Variants in TEAD4 observed in about 807,000 individuals in gnomAD.
TEAD4 encodes TEA domain transcription factor 4.
In TEAD4, 36 loss-of-function variants were observed where a neutral mutation model predicts 52.4. The ratio of observed to expected loss-of-function variants is 0.69; its 90% CI spans 0.53 to 0.91. The LOEUF is 0.91. TEAD4 is among the 40% of genes least tolerant of loss of function. The probability of loss-of-function intolerance (pLI) is 0.00; values close to 1 mark genes in which losing one functional copy is unlikely to be tolerated. For synonymous variants in TEAD4, 220 were observed against 231.0 expected, an observed-to-expected ratio of 0.95 and a Z score of 0.43; for missense variants, 508 against 583.9, an observed-to-expected ratio of 0.87 and a Z score of 1.34.
rs538188452 is a variant in TEAD4 at position 2,969,924 on chromosome 12, T to TA, written c.-30+9885dup. ...AGAAATACTATGTAAGCCTAGGAGT[T>TA]ACATTTAAAAAGTAAAAAGAGCTGG... On this transcript the variant is annotated intron_variant, in intron 2 of 12. Coordinates refer to ENST00000359864, the MANE Select transcript of TEAD4 (RefSeq NM_003213.4). 3.1e-3 allele frequency among the ~76,000 whole-genome samples: 473 copies of TA among 152,182 alleles called. 8 individuals are homozygous for TA. The South Asian group carries it at 0.049, about 16-fold the overall frequency.
intron 2 of TEAD4, among the ~76,000 whole-genome samples, chr12:2,978,997 C>T (rs1051539855): frequency 3.9e-4 from 60 of 152,200 alleles, no homozygotes; most frequent in African/African-American, 1.4e-3. Flanking sequence ...CTCACTGCAA[C>T]CTCCGCCTCC....
intron 3 of TEAD4, among the ~76,000 whole-genome samples, chr12:3,002,028 GT>G (rs1368419468): frequency 6.6e-6 from 1 of 152,100 alleles, no homozygotes; most frequent in Non-Finnish European, 1.5e-5. Flanking sequence ...AGAGGTGGAG[GT>G]TGCAGTGAGC....
chr12:3,018,508 TG>T, intron 6 of TEAD4, 36 bp from the exon 7 acceptor site: 2 of 1,612,482 alleles, frequency 1.2e-6, no homozygotes, highest in Non-Finnish European at 1.7e-6. Context: ...CGGGTGCACC[TG>T]GGGCCGTGCT....
intron 2 of TEAD4, among the ~76,000 whole-genome samples, chr12:2,988,249 A>G (rs1175724397): frequency 1.3e-5 from 2 of 152,032 alleles, no homozygotes; most frequent in African/African-American, 4.8e-5. Context: ...GCGGTGGTTC[A>G]GGTCTGTAAT....
At chr12:2,991,516 G>A (rs928179996) in intron 2 of TEAD4, among the ~76,000 whole-genome samples, 2 of 152,116 alleles carry the variant, frequency 1.3e-5, no homozygotes, top group Non-Finnish European at 2.9e-5. Flanking sequence ...ACAAAAATCA[G>A]CTGGGTGTGG....
At chr12:3,031,712 C>T (rs745591590) in intron 10 of TEAD4, among the ~76,000 whole-genome samples, 2 of 151,916 alleles carry the variant, frequency 1.3e-5, no homozygotes, top group African/African-American at 2.4e-5. Flanking sequence ...ATCCTCACCA[C>T]AGCCAAGACT....
At chr12:3,007,087 C>G (rs59635854) in intron 3 of TEAD4, among the ~76,000 whole-genome samples, 1 of 152,166 alleles carries the variant, frequency 6.6e-6, no homozygotes, top group Non-Finnish European at 1.5e-5. Context: ...GCTCCTGTCC[C>G]GCCCCATTAC....
At chr12:3,022,054 C>A in intron 10 of TEAD4, 37 bp downstream of exon 10, 1 of 1,608,124 alleles carries the variant, frequency 6.2e-7, no homozygotes, top group Non-Finnish European at 8.5e-7. Context: ...CTGCCACCAG[C>A]GTGTCCGTGG....
chr12:2,999,037 C>T (rs2098249530), intron 3 of TEAD4, among the ~76,000 whole-genome samples: 1 of 152,226 alleles, frequency 6.6e-6, no homozygotes, highest in Non-Finnish European at 1.5e-5. Flanking sequence ...GGAGGGCTCT[C>T]AGCAGGCAGT....
chr12:2,997,718 C>T (rs1366561311), intron 3 of TEAD4, among the ~76,000 whole-genome samples: 2 of 147,524 alleles, frequency 1.4e-5, no homozygotes, highest in South Asian at 2.1e-4. Flanking sequence ...GGGAGGGCCC[C>T]GTGGAGATGC....
Position 3,010,938 on chromosome 12 carries a change from G to A in TEAD4, c.227-66G>A, listed in dbSNP as rs531105309. On this transcript the variant is annotated intron_variant, in intron 3 of 12. Transcript: ENST00000359864. ...AGGGCTCCTCCGCAGAAGGTACCCC[G>A]CACCCCCTCACTGCTTCCAGCCTTT... 23 of 1,580,400 alleles carry A rather than the reference G, an allele frequency of 1.5e-5. No homozygotes were observed. In the African/African-American group the frequency reaches 2.8e-4, roughly 19 times the overall value.
At chr12:3,034,754 G>A (rs918151374) in intron 10 of TEAD4, among the ~76,000 whole-genome samples, 3 of 152,126 alleles carry the variant, frequency 2.0e-5, no homozygotes, top group Admixed American at 1.3e-4. Context: ...GCAACATGGC[G>A]AAGCCCTATC....
chr12:3,039,929 C>T (rs1451485719), intron 11 of TEAD4, among the ~76,000 whole-genome samples, 178 bp from the exon 12 acceptor site: 3 of 152,168 alleles, frequency 2.0e-5, no homozygotes, highest in East Asian at 1.9e-4. Context: ...TCAGGTGATC[C>T]GCCTGCCTTG....
intron 2 of TEAD4, among the ~76,000 whole-genome samples, chr12:2,983,498 C>A (rs2098235759): frequency 6.6e-6 from 1 of 152,146 alleles, no homozygotes; most frequent in African/African-American, 2.4e-5. Context: ...GGAGGGCATC[C>A]TTCTTGTTTT....
chr12:2,999,103 G>A (rs1358737677), intron 3 of TEAD4, among the ~76,000 whole-genome samples: 2 of 152,178 alleles, frequency 1.3e-5, no homozygotes, highest in Non-Finnish European at 2.9e-5. Context: ...CCAGTGTGTG[G>A]GATGGGCCCT....
chr12:3,038,110 T>C lies in TEAD4; in HGVS notation c.1038+2T>C. 2 of 1,610,914 alleles carry C rather than the reference T, an allele frequency of 1.2e-6. No individual in the cohort carries two copies. The highest frequency in any genetic ancestry group is 8.5e-7 in the Non-Finnish European group (1 of 1,177,750). The stretch of plus-strand genomic sequence containing the variant: ...AAGCAGGTGGTGGAGAAAGTTGAGG[T>C]AGGAGGCCACCCTGGCGGGTGAGGG... On this transcript the variant is annotated splice_donor_variant, in intron 11 of 12. Transcript: ENST00000359864. LOFTEE classifies it high-confidence loss of function.
At chr12:2,981,668 A>G (rs1029504237) in intron 2 of TEAD4, among the ~76,000 whole-genome samples, 1 of 152,136 alleles carries the variant, frequency 6.6e-6, no homozygotes, top group African/African-American at 2.4e-5. Flanking sequence ...CTTCAAGTAA[A>G]GAGTTAGTTG....
chr12:3,020,253 A>G (rs1388326823), intron 8 of TEAD4, among the ~76,000 whole-genome samples: 1 of 152,200 alleles, frequency 6.6e-6, no homozygotes, highest in Non-Finnish European at 1.5e-5. Context: ...ATATTGTAAT[A>G]GTGGATTCAT....
At chr12:2,999,797 C>T (rs2098250244) in intron 3 of TEAD4, among the ~76,000 whole-genome samples, 1 of 152,234 alleles carries the variant, frequency 6.6e-6, no homozygotes, top group Admixed American at 6.5e-5. Flanking sequence ...TCTGCCTGCT[C>T]CCCGCCTTCC....
Sources: allele counts gnomAD v4.1 joint callset (sites outside exome capture counted in the v4.1 genomes callset), GRCh38; gene constraint gnomAD v4.1.1; transcripts MANE v1.5; gene names NCBI Gene and HGNC (gene_info 2026-07-23, HGNC 2026-07-21).